The following LAMP1 variants were observed in gnomAD, a reference collection of about 807,000 sequenced individuals.
The protein encoded by LAMP1 is lysosome-associated membrane glycoprotein 1.
In LAMP1, 7 loss-of-function variants were observed where a neutral mutation model predicts 37.5. The observed-to-expected ratio is 0.19, with a 90% confidence interval of 0.11 to 0.35. LAMP1 has a LOEUF of 0.35. LAMP1 is among the 10% of genes least tolerant of loss of function. The pLI, the probability that LAMP1 is intolerant of heterozygous loss-of-function variation, is 1.00. For missense variants in LAMP1, 537 were observed against 552.8 expected, an observed-to-expected ratio of 0.97 and a Z score of 0.29; for synonymous variants, 236 against 229.1, an observed-to-expected ratio of 1.03 and a Z score of -0.27.
In LAMP1 at chr13:113,320,825, T is replaced by TA. The variant is rs1170030701; in HGVS notation, c.876+356dup. 3.7e-5 allele frequency: 10 copies of TA among 269,746 alleles called. No homozygotes were observed. The highest frequency in any genetic ancestry group is 4.9e-5 in the Non-Finnish European group (7 of 141,626). 16.7% of individuals were successfully genotyped at this position (269,746 alleles called of 1,614,324 possible). On this transcript the variant is annotated intron_variant, in intron 6 of 8. Transcript: ENST00000332556. This position sits in a 1 kb window ranked among gnomAD's most constrained non-coding sequence, Gnocchi z 4.4. ...AGTTAGCAACATAAGACATGAAGCA[T>TA]ATAATTGTCACTTGTCAGTCTTTTT...
chr13:113,299,522 C>G (rs1349185219), intron 1 of LAMP1, among the ~76,000 whole-genome samples: 4 of 151,456 alleles, frequency 2.6e-5, no homozygotes, highest in African/African-American at 9.7e-5. Context: ...CTCTGCCTCC[C>G]AAAGTGCTGG....
chr13:113,303,092 G>T (rs543207142), intron 1 of LAMP1, among the ~76,000 whole-genome samples: 2 of 152,184 alleles, frequency 1.3e-5, no homozygotes, highest in Non-Finnish European at 2.9e-5. Context: ...ATCAAAGCTG[G>T]CGTCAGTGCC....
chr13:113,307,139 TATC>T (rs2042604041), intron 2 of LAMP1, among the ~76,000 whole-genome samples: 2 of 134,108 alleles, frequency 1.5e-5, no homozygotes, highest in Admixed American at 7.9e-5. Flanking sequence ...GCGCCCAGCC[TATC>T]ATCAACATTT....
rs760756081 is a variant in LAMP1 at position 113,321,760 on chromosome 13, G to C, written c.1114+33G>C. 1.9e-6 allele frequency: 3 copies of C among 1,605,418 alleles called. No homozygotes were observed. Among genetic ancestry groups the C allele is most frequent in the Non-Finnish European group, 2.6e-6 (3 of 1,175,824 alleles). On this transcript the variant is annotated intron_variant, in intron 8 of 8. Coordinates refer to ENST00000332556, the MANE Select transcript of LAMP1 (RefSeq NM_005561.4). This position sits in a 1 kb window ranked among gnomAD's most constrained non-coding sequence, Gnocchi z 5.6. The stretch of plus-strand genomic sequence containing the variant: ...TCACCGAGGGCAGCTGTCGCGGGGT[G>C]TGGAGGACGTGCTTCAGACTCCGCC...
intron 1 of LAMP1, among the ~76,000 whole-genome samples, chr13:113,300,849 C>T (rs1438956504): frequency 2.0e-5 from 3 of 151,994 alleles, no homozygotes; most frequent in Non-Finnish European, 2.9e-5. Context: ...TTCTACTAAC[C>T]GATGTTACCT....
intron 4 of LAMP1, among the ~76,000 whole-genome samples, chr13:113,315,707 G>A (rs2042659642): frequency 6.6e-6 from 1 of 151,764 alleles, no homozygotes; most frequent in Non-Finnish European, 1.5e-5. Flanking sequence ...AAAAAAGCTC[G>A]GGGACCTCAT....
chr13:113,323,550 T>C lies in LAMP1; in HGVS notation c.*1129T>C, dbSNP rs1438795156. On this transcript the variant is annotated 3_prime_UTR_variant, in exon 9 of 9. Transcript: ENST00000332556. ...GTGTCAGGGAAACGGGGGGTGAGGG[T>C]GGTCTTGGTGCCAGACGTAGGGAAT... 1 of 151,306 alleles carries C rather than the reference T, an allele frequency of 6.6e-6. No individual in the cohort carries two copies. Among genetic ancestry groups the C allele is most frequent in the Non-Finnish European group, 1.5e-5 (1 of 67,812 alleles). 9.4% of individuals were successfully genotyped at this position (151,306 alleles called of 1,614,324 possible). A position where few individuals can be genotyped will look rare whatever the true frequency, so the allele number is the denominator to read the frequency against.
At position 113,320,323 on chromosome 13, in the gene LAMP1, C is replaced by T; in HGVS notation, c.751-22C>T. 1.2e-6 allele frequency: 2 copies of T among 1,613,930 alleles called. No individual in the cohort carries two copies. Among genetic ancestry groups the T allele is most frequent in the Non-Finnish European group, 1.7e-6 (2 of 1,179,956 alleles). On this transcript the variant is annotated intron_variant, in intron 5 of 8. Coordinates refer to ENST00000332556, the MANE Select transcript of LAMP1 (RefSeq NM_005561.4). The surrounding 1 kb of genome is among the most constrained non-coding windows in gnomAD (Gnocchi z 4.4). ...TGGAGGACCTGAGCTAGGGTGGTGA[C>T]TTGCTTGCTTGTCTTATGCAGACGG...
chr13:113,320,589 C>T lies in LAMP1; in HGVS notation c.876+119C>T. ...AAGGAGGCGGCCTCACTTTTTTCTG[C>T]CTTCCCTTTATCCTGGGCTTTTTAG... On this transcript the variant is annotated intron_variant, in intron 6 of 8. Coordinates refer to ENST00000332556, the MANE Select transcript of LAMP1 (RefSeq NM_005561.4). The surrounding 1 kb of genome is among the most constrained non-coding windows in gnomAD (Gnocchi z 4.4). 9.3e-7 allele frequency: 1 copy of T among 1,072,042 alleles called. No homozygotes were observed. The highest frequency in any genetic ancestry group is 1.3e-6 in the Non-Finnish European group (1 of 755,878). 66.4% of individuals were successfully genotyped at this position (1,072,042 alleles called of 1,614,324 possible).
chr13:113,308,793 C>T (rs576147594), intron 2 of LAMP1, among the ~76,000 whole-genome samples: 22 of 152,032 alleles, frequency 1.4e-4, no homozygotes, highest in East Asian at 3.9e-4. Context: ...TGTGTAGTTT[C>T]GTGTTGTTTT....
At position 113,309,664 on chromosome 13, in the gene LAMP1, T is replaced by C. The variant is rs1474931156; in HGVS notation, c.205T>C (p.Ser69Pro). The change falls in exon 3 of 9, where the codon TCA becomes CCA. Residue 69 changes from serine to proline, a missense_variant. By Grantham distance (74) the Ser-to-Pro change is moderately conservative. Transcript: ENST00000332556. ...CTAGAACATGACCTTTGACCTGCCA[T>C]CAGATGCCACAGTGGTGCTCAACCG... ...GPKNMTFDLP[S>P]DATVVLNRSS... is the part of the protein sequence containing the mutation. 2 of 1,613,646 alleles carry C rather than the reference T, an allele frequency of 1.2e-6. No individual in the cohort carries two copies. Among genetic ancestry groups the C allele is most frequent in the African/African-American group, 2.7e-5 (2 of 74,908 alleles).
rs537221592 is a variant in LAMP1, at chr13:113,320,298, T to C, written c.751-47T>C. On this transcript the variant is annotated intron_variant, in intron 5 of 8. Coordinates refer to ENST00000332556, the MANE Select transcript of LAMP1 (RefSeq NM_005561.4). The surrounding 1 kb of genome is among the most constrained non-coding windows in gnomAD (Gnocchi z 4.4). ...AGGACTGTTTGTCTTTTCGAGAGTG[T>C]GGAGGACCTGAGCTAGGGTGGTGAC... is the stretch of plus-strand genomic sequence containing the variant. 3 of 1,611,466 alleles carry C rather than the reference T, an allele frequency of 1.9e-6. No individual in the cohort carries two copies. Among genetic ancestry groups the C allele is most frequent in the Middle Eastern group, 1.6e-4 (1 of 6,078 alleles).
intron 1 of LAMP1, among the ~76,000 whole-genome samples, chr13:113,302,780 G>A (rs1031970286): frequency 2.0e-5 from 3 of 152,214 alleles, no homozygotes; most frequent in African/African-American, 7.2e-5. Flanking sequence ...TGCTGGAGAG[G>A]CAGCGTGGCT....
intron 2 of LAMP1, among the ~76,000 whole-genome samples, chr13:113,308,201 A>C (rs2042610164): frequency 6.6e-6 from 1 of 151,884 alleles, no homozygotes; most frequent in Non-Finnish European, 1.5e-5. Context: ...TTTTTAGTAG[A>C]GACGGGGTTT....
chr13:113,320,635 CTTT>C lies in LAMP1; in HGVS notation c.876+166_876+168del. 13 of 675,424 alleles carry C rather than the reference CTTT, an allele frequency of 1.9e-5. No individual in the cohort carries two copies. In the South Asian group the frequency reaches 2.5e-4, roughly 13 times the overall value. The allele number at this position is 675,424 out of a possible 1,614,324, so 41.8% of individuals were successfully genotyped here. On this transcript the variant is annotated intron_variant, in intron 6 of 8. Transcript: ENST00000332556. The surrounding 1 kb of genome is among the most constrained non-coding windows in gnomAD (Gnocchi z 4.4). ...TTTAGTTCCTTGGTTCCCCTCCCCC[CTTT>C]CCATTCCATTCATAGATGCAGCAGA... is the stretch of plus-strand genomic sequence containing the variant.
At position 113,323,084 on chromosome 13, in the gene LAMP1, C is replaced by T. The variant is rs2042714979; in HGVS notation, c.*663C>T. On this transcript the variant is annotated 3_prime_UTR_variant, in exon 9 of 9. Coordinates refer to ENST00000332556, the MANE Select transcript of LAMP1 (RefSeq NM_005561.4). ...GGAACATCCTAAGACAGAGGAACTCCAGAGATGAGTGTCTGGAGCGCTTCA... is the reference window on the plus strand; with the variant it reads ...GGAACATCCTAAGACAGAGGAACTCTAGAGATGAGTGTCTGGAGCGCTTCA... The T allele has an allele frequency of 6.6e-6, 1 of 152,250 alleles. No individual in the cohort carries two copies. Among genetic ancestry groups the T allele is most frequent in the African/African-American group, 2.4e-5 (1 of 41,438 alleles). The allele number at this position is 152,250 out of a possible 1,614,324, so 9.4% of individuals were successfully genotyped here. A position where few individuals can be genotyped will look rare whatever the true frequency, so the allele number is the denominator to read the frequency against.
chr13:113,319,324 G>A (rs1431994192), intron 4 of LAMP1, 145 bp from the exon 5 acceptor site: 20 of 734,038 alleles, frequency 2.7e-5, no homozygotes, highest in Non-Finnish European at 3.9e-5. Context: ...AGGCATTAGC[G>A]AGAGCCACCT....
chr13:113,318,057 G>T (rs933961362), intron 4 of LAMP1, among the ~76,000 whole-genome samples: 1 of 152,254 alleles, frequency 6.6e-6, no homozygotes, highest in East Asian at 1.9e-4. Flanking sequence ...AAGGGTCCCT[G>T]AGCACATCCC....
chr13:113,298,182 GTAGTT>G (rs1302283388), intron 1 of LAMP1, among the ~76,000 whole-genome samples: 1 of 152,232 alleles, frequency 6.6e-6, no homozygotes, highest in African/African-American at 2.4e-5. Context: ...TGTCTAGTAA[GTAGTT>G]TAAAGAGCGC....
Sources: allele counts gnomAD v4.1 joint callset (sites outside exome capture counted in the v4.1 genomes callset), GRCh38; gene constraint gnomAD v4.1.1; non-coding constraint Gnocchi (gnomAD v3.1); transcripts MANE v1.5; gene names NCBI Gene and HGNC (gene_info 2026-07-23, HGNC 2026-07-21).